The following TRMT2B variants were observed in gnomAD, a reference collection of about 807,000 sequenced individuals.
TRMT2B encodes tRNA methyltransferase 2B.
TRMT2B carries 34 observed loss-of-function variants against 39.7 expected under a neutral mutation model. The ratio of observed to expected loss-of-function variants is 0.86; its 90% CI spans 0.65 to 1.14. The LOEUF (loss-of-function observed/expected upper bound fraction) is 1.14, where lower values mean the gene tolerates loss of function less well. Among genes scored for constraint, TRMT2B ranks in the 50% most tolerant of loss-of-function variants. The pLI is 0.00. For synonymous variants in TRMT2B, 132 were observed against 137.3 expected (o/e 0.96, Z 0.27); for missense variants, 318 against 377.2 (o/e 0.84, Z 1.30).
At chrX:100,989,820 C>G in the TRMT2B span, among the ~76,000 whole-genome samples, 183 of 111,735 alleles carry the variant, frequency 1.6e-3, no homozygotes, top group African/African-American at 5.6e-3. Flanking sequence ...TCCCTGGCTA[C>G]CTTGGAGCTT....
the TRMT2B span, among the ~76,000 whole-genome samples, chrX:100,974,777 A>T: frequency 8.9e-6 from 1 of 112,131 alleles, no homozygotes; most frequent in South Asian, 3.7e-4. Flanking sequence ...AATTTCAGAA[A>T]GCTACTACAC....
chrX:101,018,900 T>C (rs1409445734), intron 13 of TRMT2B, 71 bp downstream of exon 13: 7 of 699,650 alleles, frequency 1.0e-5, no homozygotes, highest in East Asian at 3.2e-5. Context: ...CACTTTCCAA[T>C]TGTGTGTACA....
chrX:100,985,711 ACAC>A, the TRMT2B span: 4 of 1,210,925 alleles, frequency 3.3e-6, no homozygotes, highest in Middle Eastern at 2.3e-4. Flanking sequence ...GGAACTGACT[ACAC>A]TTTTGTTAGA....
Position 101,036,969 on chromosome X carries a change from C to A in TRMT2B, c.538+5G>T. ...AGTCTTTGGTTTATACAACCTTCAA[C>A]TGACCTCTCCAAGTTCCCAGGTAGA... On this transcript the variant is annotated splice_donor_5th_base_variant and intron_variant, in intron 6 of 13. Coordinates refer to ENST00000372936, the MANE Select transcript of TRMT2B (RefSeq NM_024917.6). 1.7e-6 allele frequency: 2 copies of A among 1,197,326 alleles called. No homozygotes were observed. The highest frequency in any genetic ancestry group is 5.9e-5 in the East Asian group (2 of 33,795).
chrX:101,025,022 T>A (rs1467297903), intron 7 of TRMT2B, among the ~76,000 whole-genome samples: 1 of 110,488 alleles, frequency 9.1e-6, no homozygotes, highest in Admixed American at 9.7e-5. Context: ...CCCTGCCCTG[T>A]AACTTTACAG....
intron 2 of TRMT2B, among the ~76,000 whole-genome samples, chrX:101,045,942 T>C (rs1322070022): frequency 9.2e-6 from 1 of 108,823 alleles, no homozygotes; most frequent in Admixed American, 1.0e-4. Context: ...GGTCAGCAGT[T>C]CGAGACCAGG....
At chrX:101,032,917 T>C (rs192857536) in intron 7 of TRMT2B, among the ~76,000 whole-genome samples, 2 of 110,349 alleles carry the variant, frequency 1.8e-5, no homozygotes, top group African/African-American at 3.3e-5. Context: ...TTTTGAGATA[T>C]GGAAAATATT....
chrX:100,979,063 A>G, the TRMT2B span, among the ~76,000 whole-genome samples: 1 of 111,652 alleles, frequency 9.0e-6, no homozygotes, highest in East Asian at 2.8e-4. Flanking sequence ...GTTTCTATTT[A>G]TATCTTATTA....
Position 101,010,245 on chromosome X carries a change from C to T in TRMT2B, c.*336G>A, listed in dbSNP as rs1806738767. ...TGGCCAACATGGTGAAACCCTGTCTCTACCAAAAATACAAAAATTAGCCGG... is the reference window on the plus strand; with the variant it reads ...TGGCCAACATGGTGAAACCCTGTCTTTACCAAAAATACAAAAATTAGCCGG... On this transcript the variant is annotated 3_prime_UTR_variant, in exon 14 of 14. Transcript: ENST00000372936. The T allele has an allele frequency of 6.7e-6, 1 of 149,866 alleles. No homozygotes were observed. 12.4% of individuals were successfully genotyped at this position (149,866 alleles called of 1,213,427 possible). A position where few individuals can be genotyped will look rare whatever the true frequency, so the allele number is the denominator to read the frequency against.
At chrX:101,032,384 G>A (rs889076376) in intron 7 of TRMT2B, among the ~76,000 whole-genome samples, 35 of 107,533 alleles carry the variant, frequency 3.3e-4, no homozygotes, top group African/African-American at 1.0e-3. Flanking sequence ...TCAGGAGATC[G>A]AGACCATCCT....
At chrX:100,994,418 T>C in the TRMT2B span, among the ~76,000 whole-genome samples, 2 of 111,990 alleles carry the variant, frequency 1.8e-5, no homozygotes, top group African/African-American at 6.5e-5. Context: ...TTCACTCATA[T>C]GGCTCTGGGT....
chrX:101,017,393 T>G (rs767851502), intron 13 of TRMT2B, among the ~76,000 whole-genome samples: 7 of 111,751 alleles, frequency 6.3e-5, no homozygotes, highest in Non-Finnish European at 1.3e-4. Flanking sequence ...TCCTTCAGTT[T>G]CCTTTGGGTT....
chrX:100,980,429 G>A, the TRMT2B span, among the ~76,000 whole-genome samples: 1 of 110,005 alleles, frequency 9.1e-6, no homozygotes, highest in Non-Finnish European at 1.9e-5. Context: ...AGGCCCGAGG[G>A]CTCTTTAGTC....
intron 13 of TRMT2B, among the ~76,000 whole-genome samples, chrX:101,011,161 T>C (rs1267907440): frequency 9.0e-6 from 1 of 111,655 alleles, no homozygotes; most frequent in Non-Finnish European, 1.9e-5. Flanking sequence ...ATTCTGAAAA[T>C]TGCATTGTTA....
At chrX:100,998,811 C>T in the TRMT2B span, among the ~76,000 whole-genome samples, 1 of 110,923 alleles carries the variant, frequency 9.0e-6, no homozygotes, top group Non-Finnish European at 1.9e-5. Context: ...GACTCCAAAA[C>T]TGCTCTGCTT....
intron 2 of TRMT2B, among the ~76,000 whole-genome samples, chrX:101,044,251 A>G (rs1302144137): frequency 1.4e-5 from 1 of 71,574 alleles, no homozygotes; most frequent in Non-Finnish European, 2.9e-5. Flanking sequence ...CAAAAAGAGA[A>G]AAAAAAAAAA....
rs1172473242 is a variant in TRMT2B, at chrX:101,051,306, C to G, written c.-79G>C. On this transcript the variant is annotated 5_prime_UTR_variant, in exon 2 of 14. Transcript: ENST00000372936. ...AAAATGTTCACCCACCGACAAGGGT[C>G]CTGCTTGCACTCTCTGCTCACCCTT... 4 of 751,682 alleles carry G rather than the reference C, an allele frequency of 5.3e-6. No individual in the cohort carries two copies. Among genetic ancestry groups the G allele is most frequent in the East Asian group, 1.5e-4 (1 of 6,527 alleles). The allele number at this position is 751,682 out of a possible 1,213,427, so 61.9% of individuals were successfully genotyped here. A position where few individuals can be genotyped will look rare whatever the true frequency, so the allele number is the denominator to read the frequency against.
At chrX:101,008,108 G>A (rs1307211394), downstream of TRMT2B, among the ~76,000 whole-genome samples, 1 of 111,183 alleles carries the variant, frequency 9.0e-6, no homozygotes, top group Non-Finnish European at 1.9e-5. Context: ...AAGATGGAAA[G>A]CATTCAACAT....
At chrX:100,990,790 GA>G in the TRMT2B span, 1 of 395,084 alleles carries the variant, frequency 2.5e-6, no homozygotes, top group Non-Finnish European at 4.4e-6. Flanking sequence ...TTCTTAGGCA[GA>G]AAAGGATTGG....
Sources: gnomAD v4.1 joint callset for allele counts (sites outside exome capture counted in the v4.1 genomes callset) on GRCh38, gnomAD v4.1.1 for gene constraint, MANE v1.5 for transcripts, NCBI Gene and HGNC (gene_info 2026-07-23, HGNC 2026-07-21) for gene names.